ESR1: variants seen among roughly 807,000 people sequenced by gnomAD.
ESR1 encodes the protein estrogen receptor.
ESR1 carries 12 observed loss-of-function variants against 52.7 expected under a neutral mutation model. The ratio of observed to expected loss-of-function variants is 0.23; its 90% CI spans 0.15 to 0.37. The LOEUF is 0.37. Ranked by LOEUF, ESR1 falls within the 10% of genes least tolerant of loss-of-function variation. The pLI is 1.00. For synonymous variants in ESR1, 305 were observed against 316.8 expected (o/e 0.96, Z 0.39); for missense variants, 584 against 779.7 (o/e 0.75, Z 2.99).
At chr6:151,675,418 G>A (rs923309129) in intron 1 of ESR1, among the ~76,000 whole-genome samples, 1 of 152,064 alleles carries the variant, frequency 6.6e-6, no homozygotes, top group Non-Finnish European at 1.5e-5. Flanking sequence ...ATAAGTTTCT[G>A]AGCTGCTTCA....
chr6:152,030,679 A>G (rs568382437), intron 5 of ESR1, among the ~76,000 whole-genome samples: 8,086 of 152,218 alleles, frequency 0.053, 282 homozygotes, highest in South Asian at 0.1. Context: ...ACTCCCACAC[A>G]ATAATAATGG....
chr6:151,826,706 A>G (rs548244846), intron 1 of ESR1, among the ~76,000 whole-genome samples: 3 of 152,138 alleles, frequency 2.0e-5, no homozygotes, highest in Admixed American at 1.3e-4. Context: ...AGCTAACTTC[A>G]TGGGGTGGCT....
chr6:151,693,573 T>C (rs1779099728), intron 1 of ESR1, among the ~76,000 whole-genome samples: 1 of 152,204 alleles, frequency 6.6e-6, no homozygotes. Context: ...AGAAGCATGT[T>C]GCTTCATTGT....
At chr6:151,877,899 T>A (rs1028712418) in intron 2 of ESR1, among the ~76,000 whole-genome samples, 1 of 152,122 alleles carries the variant, frequency 6.6e-6, no homozygotes, top group African/African-American at 2.4e-5. Context: ...AGCCTTGACC[T>A]CCTGGGCTCA....
chr6:151,968,182 A>G (rs887682085), intron 4 of ESR1, among the ~76,000 whole-genome samples: 1 of 152,158 alleles, frequency 6.6e-6, no homozygotes, highest in Non-Finnish European at 1.5e-5. Flanking sequence ...AGGATTCCCT[A>G]TTTAATAAAT....
intron 5 of ESR1, among the ~76,000 whole-genome samples, chr6:152,013,620 C>T (rs1430686688): frequency 6.6e-6 from 1 of 151,996 alleles, no homozygotes; most frequent in Non-Finnish European, 1.5e-5. Context: ...AGGTTTTTGA[C>T]ATTACTGCAC....
At chr6:151,950,311 A>G (rs2036191454) in intron 4 of ESR1, among the ~76,000 whole-genome samples, 1 of 152,194 alleles carries the variant, frequency 6.6e-6, no homozygotes, top group Non-Finnish European at 1.5e-5. Flanking sequence ...TGGTGTCCCC[A>G]GGGCACCCTG....
chr6:152,053,768 G>C lies in ESR1; in HGVS notation c.1236-7223G>C, dbSNP rs970656535. On this transcript the variant is annotated intron_variant, in intron 5 of 7. Coordinates refer to ENST00000206249, the MANE Select transcript of ESR1 (RefSeq NM_000125.4). The surrounding 1 kb of genome is among the most constrained non-coding windows in gnomAD (Gnocchi z 4.1). Reference sequence around the variant, plus strand: ...CCGGATATTTTATGCTTTCATGGAGGCCGTGTAAATTGGTATAACCTTTTT... The same window carrying C: ...CCGGATATTTTATGCTTTCATGGAGCCCGTGTAAATTGGTATAACCTTTTT... Among the ~76,000 whole-genome samples the C allele has an allele frequency of 2.4e-4, 37 of 151,856 alleles. No individual in the cohort carries two copies. The highest frequency in any genetic ancestry group is 3.9e-4 in the Admixed American group (6 of 15,232).
At chr6:151,997,943 G>A (rs1238596862) in intron 4 of ESR1, among the ~76,000 whole-genome samples, 2 of 151,954 alleles carry the variant, frequency 1.3e-5, no homozygotes, top group Non-Finnish European at 2.9e-5. Flanking sequence ...AAAGCTTTCA[G>A]AAGTGATGAG....
At chr6:152,057,193 G>A (rs1438219819) in intron 5 of ESR1, among the ~76,000 whole-genome samples, 2 of 152,144 alleles carry the variant, frequency 1.3e-5, no homozygotes, top group African/African-American at 2.4e-5. Context: ...ACATAGATAT[G>A]TGCCAGATTG....
At chr6:151,716,908 G>A (rs542374890) in intron 2 of ESR1, among the ~76,000 whole-genome samples, 1 of 152,188 alleles carries the variant, frequency 6.6e-6, no homozygotes, top group Non-Finnish European at 1.5e-5. Flanking sequence ...AGCTAGTTCG[G>A]TGTCTGACCA....
In ESR1 at chr6:152,100,960, C is replaced by A; in HGVS notation, c.*1994C>A. 4.5e-6 allele frequency: 1 copy of A among 224,372 alleles called. No individual in the cohort carries two copies. The highest frequency in any genetic ancestry group is 8.8e-6 in the Non-Finnish European group (1 of 113,138). 13.9% of individuals were successfully genotyped at this position (224,372 alleles called of 1,614,324 possible). A position where few individuals can be genotyped will look rare whatever the true frequency, so the allele number is the denominator to read the frequency against. Reference sequence around the variant, plus strand: ...GAAATTACATTGCTTGTTTATCAGACAATTGAATGTAGTAATTCTGTTCTG... The same window carrying A: ...GAAATTACATTGCTTGTTTATCAGAAAATTGAATGTAGTAATTCTGTTCTG... On this transcript the variant is annotated 3_prime_UTR_variant, in exon 8 of 8. Coordinates refer to ENST00000206249, the MANE Select transcript of ESR1 (RefSeq NM_000125.4).
upstream of ESR1, among the ~76,000 whole-genome samples, chr6:151,806,446 G>T (rs1030558432): frequency 3.3e-5 from 5 of 150,076 alleles, no homozygotes; most frequent in Admixed American, 6.7e-5. Flanking sequence ...TTAGGCTGCA[G>T]CAAAGGAAGT....
At chr6:152,054,439 C>T (rs2046941299) in intron 5 of ESR1, among the ~76,000 whole-genome samples, 1 of 152,034 alleles carries the variant, frequency 6.6e-6, no homozygotes, top group Non-Finnish European at 1.5e-5. Context: ...TCTTTATCAC[C>T]ACGGTGCTGT....
At chr6:152,070,947 G>A (rs1458563200) in intron 6 of ESR1, among the ~76,000 whole-genome samples, 3 of 138,774 alleles carry the variant, frequency 2.2e-5, no homozygotes, top group Non-Finnish European at 4.5e-5. Context: ...TTTGTCAACC[G>A]TTGTTTGTTA....
At chr6:152,107,384 G>A (rs1349382586), downstream of ESR1, among the ~76,000 whole-genome samples, 1 of 151,948 alleles carries the variant, frequency 6.6e-6, no homozygotes, top group East Asian at 1.9e-4. Flanking sequence ...TTGAATCTGA[G>A]GTTGAGCTCT....
At chr6:151,819,550 G>A (rs1398267144) in intron 1 of ESR1, among the ~76,000 whole-genome samples, 1 of 152,150 alleles carries the variant, frequency 6.6e-6, no homozygotes, top group East Asian at 1.9e-4. Context: ...TGTATGTGAG[G>A]GATCTGGGTT....
At chr6:151,918,412 G>T (rs574867632) in intron 3 of ESR1, among the ~76,000 whole-genome samples, 66 of 152,354 alleles carry the variant, frequency 4.3e-4, no homozygotes, top group African/African-American at 1.5e-3. Context: ...GCTCATCTGT[G>T]CCTAAGTAGA....
At chr6:152,030,807 C>T in intron 5 of ESR1, among the ~76,000 whole-genome samples, 1 of 152,182 alleles carries the variant, frequency 6.6e-6, no homozygotes, top group East Asian at 1.9e-4. Context: ...ATCTACAGAA[C>T]TCTCCACCCC....
Sources: allele counts gnomAD v4.1 joint callset (sites outside exome capture counted in the v4.1 genomes callset), GRCh38; gene constraint gnomAD v4.1.1; non-coding constraint Gnocchi (gnomAD v3.1); transcripts MANE v1.5; gene names NCBI Gene and HGNC (gene_info 2026-07-23, HGNC 2026-07-21).